PRKCA: variants seen among roughly 807,000 people sequenced by gnomAD.
The protein encoded by PRKCA is protein kinase C alpha type.
PRKCA carries 27 observed loss-of-function variants against 87.0 expected under a neutral mutation model. The observed-to-expected ratio is 0.31, with a 90% CI of 0.23 to 0.43. The LOEUF (loss-of-function observed/expected upper bound fraction) is 0.43, where lower values mean the gene tolerates loss of function less well. Ranked by LOEUF, PRKCA falls within the 20% of genes least tolerant of loss-of-function variation. The pLI, the probability that PRKCA is intolerant of heterozygous loss-of-function variation, is 1.00. For missense variants in PRKCA, 518 were observed against 852.3 expected (o/e 0.61, Z 4.88); for synonymous variants, 329 against 311.1 (o/e 1.06, Z -0.61).
intron 3 of PRKCA, among the ~76,000 whole-genome samples, chr17:66,518,486 A>G (rs1055294655): frequency 1.3e-5 from 2 of 152,306 alleles, no homozygotes; most frequent in Middle Eastern, 3.4e-3. Context: ...AAATAAGTAT[A>G]GTTTATTTAC....
chr17:66,357,327 C>T (rs1055705535), intron 2 of PRKCA, among the ~76,000 whole-genome samples: 1 of 152,082 alleles, frequency 6.6e-6, no homozygotes, highest in Non-Finnish European at 1.5e-5. Flanking sequence ...GCTTTTATTA[C>T]TATTATACTT....
At chr17:66,706,758 C>G (rs1449203022) in intron 8 of PRKCA, among the ~76,000 whole-genome samples, 1 of 151,990 alleles carries the variant, frequency 6.6e-6, no homozygotes, top group African/African-American at 2.4e-5. Flanking sequence ...TTTTTATTAA[C>G]ACAACTACAT....
intron 3 of PRKCA, among the ~76,000 whole-genome samples, chr17:66,634,109 T>A (rs1475161398): frequency 6.6e-6 from 1 of 152,222 alleles, no homozygotes; most frequent in Admixed American, 6.5e-5. Flanking sequence ...TGAGAAATGT[T>A]TCCAAGGAAG....
intron 4 of PRKCA, among the ~76,000 whole-genome samples, chr17:66,645,052 A>G (rs1373408746): frequency 6.6e-6 from 1 of 152,206 alleles, no homozygotes; most frequent in East Asian, 1.9e-4. Context: ...TGTACATAAA[A>G]TATGAATTAG....
At chr17:66,477,916 G>A (rs1053655939) in intron 2 of PRKCA, among the ~76,000 whole-genome samples, 2 of 152,160 alleles carry the variant, frequency 1.3e-5, no homozygotes, top group African/African-American at 4.8e-5. Flanking sequence ...TTTATTGGTG[G>A]ACTCTAATTC....
At chr17:66,487,616 T>C (rs1247015403) in intron 2 of PRKCA, among the ~76,000 whole-genome samples, 3 of 152,214 alleles carry the variant, frequency 2.0e-5, no homozygotes, top group Non-Finnish European at 4.4e-5. Flanking sequence ...GTAGTGGCTC[T>C]ACCACTTTAC....
intron 8 of PRKCA, among the ~76,000 whole-genome samples, chr17:66,706,738 TATAA>T (rs1267071478): frequency 6.6e-6 from 1 of 152,134 alleles, no homozygotes; most frequent in Non-Finnish European, 1.5e-5. Flanking sequence ...ATCTGGTGCC[TATAA>T]ATAGATTTTT....
rs534909819 is a variant in PRKCA, at chr17:66,806,313, G to A, written c.*2276G>A. On this transcript the variant is annotated 3_prime_UTR_variant, in exon 17 of 17. Transcript: ENST00000413366. ...GCCCAGGTGGTCCTGGCAACCCTGA[G>A]TAGAAGGAGAGACGGGGTAGGGAAC... 4 of 152,430 alleles carry A rather than the reference G, an allele frequency of 2.6e-5. No individual in the cohort carries two copies. The highest frequency in any genetic ancestry group is 1.9e-4 in the East Asian group (1 of 5,182). The allele number at this position is 152,430 out of a possible 1,614,324, so 9.4% of individuals were successfully genotyped here.
intron 3 of PRKCA, among the ~76,000 whole-genome samples, chr17:66,504,502 G>T (rs1916882465): frequency 6.6e-6 from 1 of 152,000 alleles, no homozygotes; most frequent in Admixed American, 6.6e-5. Context: ...TGAGGCAGGA[G>T]AATTGCCTGA....
intron 14 of PRKCA, chr17:66,775,782 A>G: frequency 1.0e-6 from 1 of 982,270 alleles, no homozygotes; most frequent in Non-Finnish European, 1.2e-6. Flanking sequence ...AATGCTTACA[A>G]TGTGCATGGC....
At chr17:66,778,196 T>C in intron 14 of PRKCA, 1 of 985,338 alleles carries the variant, frequency 1.0e-6, no homozygotes, top group African/African-American at 1.7e-5. Flanking sequence ...ATATGCATAC[T>C]TTCAGGTCTC....
intron 3 of PRKCA, among the ~76,000 whole-genome samples, chr17:66,585,428 G>A (rs1969563600): frequency 6.6e-6 from 1 of 152,122 alleles, no homozygotes; most frequent in Admixed American, 6.5e-5. Flanking sequence ...AATGATCTGG[G>A]GGCTGCTTTT....
At chr17:66,459,998 G>T (rs568959261) in intron 2 of PRKCA, among the ~76,000 whole-genome samples, 1 of 152,200 alleles carries the variant, frequency 6.6e-6, no homozygotes, top group African/African-American at 2.4e-5. Context: ...TTTCCATCCC[G>T]CTCACTGGAT....
At chr17:66,527,553 A>C (rs1403130593) in intron 3 of PRKCA, among the ~76,000 whole-genome samples, 1 of 152,044 alleles carries the variant, frequency 6.6e-6, no homozygotes, top group African/African-American at 2.4e-5. Flanking sequence ...AGAATGAGGC[A>C]CTGATCCGCT....
intron 2 of PRKCA, among the ~76,000 whole-genome samples, chr17:66,348,085 G>T (rs1156381325): frequency 2.0e-5 from 3 of 151,530 alleles, no homozygotes; most frequent in African/African-American, 7.3e-5. Flanking sequence ...GGGATTACAG[G>T]CACACGCCAC....
intron 3 of PRKCA, among the ~76,000 whole-genome samples, chr17:66,587,895 G>GTATATATATATATATATATA (rs71160580): frequency 1.2e-5 from 1 of 85,418 alleles, no homozygotes; most frequent in Non-Finnish European, 2.5e-5. Context: ...GTGTGTGTGT[G>GTATATATATATATATATATA]TATATATATA....
At chr17:66,365,879 G>C (rs1039556264) in intron 2 of PRKCA, among the ~76,000 whole-genome samples, 2 of 152,150 alleles carry the variant, frequency 1.3e-5, no homozygotes, top group Non-Finnish European at 2.9e-5. Flanking sequence ...TATGAATTGA[G>C]CATTGACAGC....
At chr17:66,756,600 T>A (rs1229505516) in intron 13 of PRKCA, among the ~76,000 whole-genome samples, 1 of 151,792 alleles carries the variant, frequency 6.6e-6, no homozygotes, top group African/African-American at 2.4e-5. Flanking sequence ...AAGCATCAGA[T>A]GCAGACTCAA....
At chr17:66,429,348 G>C (rs1406554834) in intron 2 of PRKCA, among the ~76,000 whole-genome samples, 1 of 152,204 alleles carries the variant, frequency 6.6e-6, no homozygotes, top group Non-Finnish European at 1.5e-5. Flanking sequence ...GTGTCTGAAT[G>C]CATACATGGG....
Sources: allele counts gnomAD v4.1 joint callset (sites outside exome capture counted in the v4.1 genomes callset), GRCh38; gene constraint gnomAD v4.1.1; transcripts MANE v1.5; gene names NCBI Gene and HGNC (gene_info 2026-07-23, HGNC 2026-07-21).